The following PARM1 variants were observed in gnomAD, a reference collection of about 807,000 sequenced individuals.
The protein encoded by PARM1 is prostate androgen-regulated mucin-like protein 1, also known as WSC4, cell wall integrity and stress response component 4 homolog.
PARM1 carries 14 observed loss-of-function variants against 24.6 expected under a neutral mutation model. The ratio of observed to expected loss-of-function variants is 0.57; its 90% CI spans 0.38 to 0.89. The LOEUF (loss-of-function observed/expected upper bound fraction) is 0.89, where lower values mean the gene tolerates loss of function less well. Among genes scored for constraint, PARM1 ranks in the 40% least tolerant of loss-of-function variants. PARM1 has a pLI of 0.00. For synonymous variants in PARM1, 179 were observed against 156.6 expected (o/e 1.14, Z -1.07); for missense variants, 362 against 380.4 (o/e 0.95, Z 0.40).
chr4:75,003,488 G>T (rs752232691), intron 1 of PARM1, among the ~76,000 whole-genome samples: 1 of 152,184 alleles, frequency 6.6e-6, no homozygotes. Context: ...TCTGCAGGTT[G>T]TGATTCAGTG....
In PARM1 at chr4:74,936,461, G is replaced by GTTTT. The variant is rs149444141; in HGVS notation, c.43+3098_43+3101dup. 6.1e-5 allele frequency among the ~76,000 whole-genome samples: 7 copies of GTTTT among 114,476 alleles called. No individual in the cohort carries two copies. The East Asian group carries it at 1.1e-3, about 18-fold the overall frequency. The allele number at this position is 114,476 out of a possible 152,430, so 75.1% of individuals were successfully genotyped here. A position where few individuals can be genotyped will look rare whatever the true frequency, so the allele number is the denominator to read the frequency against. On this transcript the variant is annotated intron_variant, in intron 1 of 3. Coordinates refer to ENST00000307428, the MANE Select transcript of PARM1 (RefSeq NM_015393.4). ...GTGTTTTTTTTTTGTTTGTTTTTTTGTTTTTTTTTTGAGATGGAGTCTCTC... is the reference window on the plus strand; with the variant it reads ...GTGTTTTTTTTTTGTTTGTTTTTTTGTTTTTTTTTTTTTTGAGATGGAGTCTCTC...
chr4:75,030,019 A>C (rs1723246970), intron 2 of PARM1, among the ~76,000 whole-genome samples: 1 of 152,206 alleles, frequency 6.6e-6, no homozygotes, highest in African/African-American at 2.4e-5. Context: ...GAAGAGATGC[A>C]AGATGGCCAT....
intron 1 of PARM1, among the ~76,000 whole-genome samples, chr4:74,960,999 C>T (rs1254935007): frequency 3.4e-5 from 5 of 146,202 alleles, no homozygotes; most frequent in East Asian, 2.0e-4. Context: ...AGCAAGACTC[C>T]GTCTCAAAAA....
At chr4:75,045,653 A>T (rs1398122220) in intron 3 of PARM1, among the ~76,000 whole-genome samples, 1 of 152,232 alleles carries the variant, frequency 6.6e-6, no homozygotes, top group Non-Finnish European at 1.5e-5. Context: ...AGTTTAAACT[A>T]TACCTGCCCC....
chr4:75,018,014 T>C (rs902759420), intron 2 of PARM1, among the ~76,000 whole-genome samples: 3 of 152,252 alleles, frequency 2.0e-5, no homozygotes, highest in African/African-American at 7.2e-5. Context: ...TTACTGTTAT[T>C]ACTATTCTGC....
chr4:75,020,055 A>G (rs969526307), intron 2 of PARM1, among the ~76,000 whole-genome samples: 1 of 151,730 alleles, frequency 6.6e-6, no homozygotes, highest in Admixed American at 6.6e-5. Context: ...TCAGAAGCGA[A>G]AAATGTATAT....
intron 1 of PARM1, among the ~76,000 whole-genome samples, chr4:74,979,672 A>T (rs1722211296): frequency 6.6e-6 from 1 of 152,132 alleles, no homozygotes; most frequent in African/African-American, 2.4e-5. Context: ...ACAAAGGAAA[A>T]CTTCAGGCCA....
intron 2 of PARM1, among the ~76,000 whole-genome samples, chr4:75,021,853 C>A (rs1302474504): frequency 1.3e-5 from 2 of 152,126 alleles, no homozygotes; most frequent in African/African-American, 4.8e-5. Flanking sequence ...TTTATCTAAT[C>A]CACCATTGGT....
chr4:75,034,056 T>C (rs1014211943), intron 3 of PARM1, 95 bp downstream of exon 3: 4 of 951,268 alleles, frequency 4.2e-6, no homozygotes, highest in African/African-American at 3.3e-5. Flanking sequence ...TTAATAGGTA[T>C]CTTAGCCCTT....
intron 1 of PARM1, among the ~76,000 whole-genome samples, chr4:74,990,733 C>A (rs952553418): frequency 6.6e-6 from 1 of 152,134 alleles, no homozygotes; most frequent in Non-Finnish European, 1.5e-5. Flanking sequence ...GATAATCAGA[C>A]TAATTTTGCC....
intron 1 of PARM1, among the ~76,000 whole-genome samples, chr4:74,949,586 A>G (rs1302692182): frequency 6.6e-6 from 1 of 152,252 alleles, no homozygotes; most frequent in East Asian, 1.9e-4. Context: ...TGCTGGGATT[A>G]CAGGCGTGAG....
intron 1 of PARM1, among the ~76,000 whole-genome samples, chr4:74,958,985 A>G (rs1721705227): frequency 6.6e-6 from 1 of 152,224 alleles, no homozygotes; most frequent in Non-Finnish European, 1.5e-5. Flanking sequence ...GATCTAGAAT[A>G]GGGCTATCCA....
intron 1 of PARM1, among the ~76,000 whole-genome samples, chr4:74,936,959 C>A (rs554242471): frequency 3.3e-5 from 5 of 152,126 alleles, no homozygotes; most frequent in Non-Finnish European, 7.4e-5. Flanking sequence ...GGACCTTCCA[C>A]CCATTACCCA....
At chr4:74,978,295 G>GA (rs1269858486) in intron 1 of PARM1, among the ~76,000 whole-genome samples, 28 of 152,078 alleles carry the variant, frequency 1.8e-4, no homozygotes. Context: ...CATGGAAGCT[G>GA]AAAAAATCAA....
rs1415252259 is a variant in PARM1, at chr4:75,047,346, CAG to C, written c.*1101_*1102del. 70 of 152,356 alleles carry C rather than the reference CAG, an allele frequency of 4.6e-4. No homozygotes were observed. The highest frequency in any genetic ancestry group is 1.3e-3 in the African/African-American group (56 of 41,584). The allele number at this position is 152,356 out of a possible 1,614,324, so 9.4% of individuals were successfully genotyped here. Reference sequence around the variant, plus strand: ...CTCAACGAGGCATTTTCATAGGAAACAGACTATGATTAATCCATTTATTCTTC... The same window carrying C: ...CTCAACGAGGCATTTTCATAGGAAACACTATGATTAATCCATTTATTCTTC... On this transcript the variant is annotated 3_prime_UTR_variant, in exon 4 of 4. Coordinates refer to ENST00000307428, the MANE Select transcript of PARM1 (RefSeq NM_015393.4).
intron 1 of PARM1, among the ~76,000 whole-genome samples, chr4:74,991,104 G>A (rs892223702): frequency 1.3e-5 from 2 of 152,122 alleles, no homozygotes; most frequent in Admixed American, 6.6e-5. Context: ...CATGGGTTCC[G>A]CCCTGCAGAA....
At chr4:74,969,169 C>T (rs1393967344) in intron 1 of PARM1, among the ~76,000 whole-genome samples, 3 of 152,092 alleles carry the variant, frequency 2.0e-5, no homozygotes, top group African/African-American at 7.2e-5. Flanking sequence ...GAAGGGCAGC[C>T]GACATCCCCT....
chr4:74,973,854 A>ATGTGTG (rs147269325), intron 1 of PARM1, among the ~76,000 whole-genome samples: 4,153 of 150,880 alleles, frequency 0.028, 83 homozygotes, highest in South Asian at 0.077. Flanking sequence ...TGTTACATGT[A>ATGTGTG]TGTGTGTGTG....
intron 1 of PARM1, among the ~76,000 whole-genome samples, chr4:74,958,349 A>G (rs1002906362): frequency 5.3e-5 from 8 of 152,196 alleles, no homozygotes; most frequent in African/African-American, 1.9e-4. Flanking sequence ...ATACATGTGT[A>G]CTGAGACTAT....
Sources: allele counts gnomAD v4.1 joint callset (sites outside exome capture counted in the v4.1 genomes callset), GRCh38; gene constraint gnomAD v4.1.1; transcripts MANE v1.5; gene names NCBI Gene and HGNC (gene_info 2026-07-23, HGNC 2026-07-21).